The following PROS1 variants were observed in gnomAD, a reference collection of about 807,000 sequenced individuals.
PROS1 encodes vitamin K-dependent protein S.
Under a neutral mutation model 75.9 loss-of-function variants are expected in PROS1, and 29 were observed. The ratio of observed to expected loss-of-function variants is 0.38; its 90% CI spans 0.28 to 0.52. The LOEUF (loss-of-function observed/expected upper bound fraction) is 0.52. PROS1 is among the 20% of genes least tolerant of loss of function. The pLI is 0.83. For missense variants in PROS1, 680 were observed against 810.3 expected (o/e 0.84, Z 1.95); for synonymous variants, 245 against 280.6 (o/e 0.87, Z 1.27).
chr3:93,888,423 T>G (rs1392090025), intron 10 of PROS1, among the ~76,000 whole-genome samples: 1 of 152,198 alleles, frequency 6.6e-6, no homozygotes, highest in Non-Finnish European at 1.5e-5. Flanking sequence ...CTTTTATTTA[T>G]CCATATTAAT....
chr3:93,949,750 T>C (rs1709462844), intron 1 of PROS1, among the ~76,000 whole-genome samples: 2 of 152,196 alleles, frequency 1.3e-5, no homozygotes, highest in African/African-American at 4.8e-5. Context: ...ACAGCTTCAG[T>C]CTACAGCTCC....
intron 6 of PROS1, among the ~76,000 whole-genome samples, chr3:93,903,980 A>C (rs1223500653): frequency 9.2e-6 from 1 of 108,270 alleles, no homozygotes; most frequent in Non-Finnish European, 1.7e-5. Context: ...CCCACCCTAC[A>C]ACAGTCCCCA....
At chr3:93,893,880 T>C (rs1216269089) in intron 9 of PROS1, among the ~76,000 whole-genome samples, 1 of 152,194 alleles carries the variant, frequency 6.6e-6, no homozygotes, top group Non-Finnish European at 1.5e-5. Flanking sequence ...CATCTGTTGC[T>C]ATTAAGACTC....
chr3:93,950,689 C>G (rs757894282), intron 1 of PROS1, among the ~76,000 whole-genome samples: 2 of 152,194 alleles, frequency 1.3e-5, no homozygotes, highest in Non-Finnish European at 2.9e-5. Context: ...TGTACATCAC[C>G]ATCATTAAAG....
chr3:93,905,724 C>A (rs1708664554), intron 6 of PROS1, 60 bp downstream of exon 6: 4 of 1,571,220 alleles, frequency 2.5e-6, no homozygotes, highest in African/African-American at 1.4e-5. Context: ...AGTAAAATTT[C>A]TCTAACTGGG....
chr3:93,880,855 C>A (rs762815763), intron 12 of PROS1, among the ~76,000 whole-genome samples: 5 of 152,036 alleles, frequency 3.3e-5, no homozygotes, highest in Admixed American at 6.6e-5. Context: ...ATTTTCATTA[C>A]CTTTTCAGGA....
At chr3:93,961,148 G>A (rs1472801006) in intron 1 of PROS1, among the ~76,000 whole-genome samples, 1 of 152,122 alleles carries the variant, frequency 6.6e-6, no homozygotes, top group Non-Finnish European at 1.5e-5. Flanking sequence ...ATGACTGGGA[G>A]GATGACAAAG....
chr3:93,922,294 A>T (rs1298005459), intron 3 of PROS1, among the ~76,000 whole-genome samples: 1 of 152,030 alleles, frequency 6.6e-6, no homozygotes, highest in African/African-American at 2.4e-5. Flanking sequence ...TCAAAAAATG[A>T]TTTCTAATGT....
intron 6 of PROS1, among the ~76,000 whole-genome samples, chr3:93,901,812 C>T (rs1381053631): frequency 6.6e-6 from 1 of 152,114 alleles, no homozygotes; most frequent in African/African-American, 2.4e-5. Context: ...ATTGTACTAT[C>T]ATTTTGTAAA....
chr3:93,912,074 A>C (rs1165135103), intron 3 of PROS1, among the ~76,000 whole-genome samples: 2 of 152,176 alleles, frequency 1.3e-5, no homozygotes, highest in African/African-American at 4.8e-5. Context: ...TAAATAATAA[A>C]AATTTATTGT....
intron 1 of PROS1, among the ~76,000 whole-genome samples, chr3:93,929,215 T>C (rs149721307): frequency 6.6e-4 from 101 of 152,320 alleles, no homozygotes; most frequent in Non-Finnish European, 2.9e-4. Context: ...CGGTGGCTCA[T>C]GCCTGTAATC....
At chr3:93,901,601 T>C (rs1331465393) in intron 6 of PROS1, among the ~76,000 whole-genome samples, 2 of 152,220 alleles carry the variant, frequency 1.3e-5, no homozygotes, top group Non-Finnish European at 2.9e-5. Context: ...TAGTGAACTA[T>C]TCTGTGTACT....
chr3:93,954,784 C>A (rs918951067), intron 1 of PROS1, among the ~76,000 whole-genome samples: 3 of 152,168 alleles, frequency 2.0e-5, no homozygotes, highest in African/African-American at 7.2e-5. Flanking sequence ...TCAGAGTGAA[C>A]AGGCAACCTA....
At chr3:93,969,326 C>T (rs1709840002) in intron 1 of PROS1, among the ~76,000 whole-genome samples, 3 of 151,972 alleles carry the variant, frequency 2.0e-5, no homozygotes, top group African/African-American at 4.8e-5. Context: ...TAGTTATTTG[C>T]ATTATATCAG....
At chr3:93,907,086 AGGCT>A (rs1708687714) in intron 4 of PROS1, among the ~76,000 whole-genome samples, 1 of 152,198 alleles carries the variant, frequency 6.6e-6, no homozygotes, top group African/African-American at 2.4e-5. Context: ...TCCCACCTTC[AGGCT>A]GGGGAAGGCC....
chr3:93,898,135 G>T (rs371196796), intron 8 of PROS1, among the ~76,000 whole-genome samples: 132 of 151,986 alleles, frequency 8.7e-4, no homozygotes, highest in African/African-American at 3.1e-3. Flanking sequence ...CACAATGAGG[G>T]CTATTAAACT....
intron 13 of PROS1, among the ~76,000 whole-genome samples, chr3:93,878,115 C>T (rs546973652): frequency 6.6e-6 from 1 of 152,074 alleles, no homozygotes; most frequent in Non-Finnish European, 1.5e-5. Flanking sequence ...GGCAAACACT[C>T]AAAGGATAAA....
chr3:93,948,248 T>C (rs1709436928), intron 1 of PROS1, among the ~76,000 whole-genome samples: 1 of 151,542 alleles, frequency 6.6e-6, no homozygotes, highest in African/African-American at 2.4e-5. Flanking sequence ...GCTAATATCC[T>C]AAACAAATTT....
chr3:93,892,866 A>G, intron 10 of PROS1, 67 bp downstream of exon 10: 3 of 1,527,564 alleles, frequency 2.0e-6, no homozygotes, highest in Non-Finnish European at 2.7e-6. Context: ...ATCACTATAA[A>G]AATAAATTAT....
Sources: gnomAD v4.1 joint callset for allele counts (sites outside exome capture counted in the v4.1 genomes callset) on GRCh38, gnomAD v4.1.1 for gene constraint, MANE v1.5 for transcripts, NCBI Gene and HGNC (gene_info 2026-07-23, HGNC 2026-07-21) for gene names.